PITPNM2: variants seen among roughly 807,000 people sequenced by gnomAD.
The protein encoded by PITPNM2 is membrane-associated phosphatidylinositol transfer protein 2.
Under a neutral mutation model 132.2 loss-of-function variants are expected in PITPNM2, and 35 were observed. The observed-to-expected ratio is 0.26, with a 90% confidence interval of 0.20 to 0.35. The LOEUF (loss-of-function observed/expected upper bound fraction) is 0.35. Among genes scored for constraint, PITPNM2 ranks in the 10% least tolerant of loss-of-function variants. The probability of loss-of-function intolerance (pLI) is 1.00; values close to 1 mark genes in which losing one functional copy is unlikely to be tolerated. For missense variants in PITPNM2, 1,332 were observed against 1,912.0 expected (o/e 0.70, Z 5.66); for synonymous variants, 738 against 799.2 (o/e 0.92, Z 1.29).
intron 3 of PITPNM2, among the ~76,000 whole-genome samples, chr12:123,029,641 A>ATG (rs10532248): frequency 6.5e-4 from 99 of 151,278 alleles, no homozygotes; most frequent in African/African-American, 2.2e-3. Context: ...CTTGTGGTGT[A>ATG]TGTGTGTGTG....
chr12:123,143,478 G>A (rs1034175386), intron 1 of PITPNM2, among the ~76,000 whole-genome samples: 1 of 152,192 alleles, frequency 6.6e-6, no homozygotes, highest in Admixed American at 6.5e-5. Context: ...TATGACGTAC[G>A]TACGAACTCT....
chr12:123,100,442 A>G (rs1340662678), intron 2 of PITPNM2, among the ~76,000 whole-genome samples: 1 of 152,236 alleles, frequency 6.6e-6, no homozygotes, highest in Admixed American at 6.5e-5. Flanking sequence ...CCTGACCAAC[A>G]TGGTGAAACC....
chr12:123,125,161 T>G (rs2043112350), intron 1 of PITPNM2, among the ~76,000 whole-genome samples: 1 of 152,152 alleles, frequency 6.6e-6, no homozygotes, highest in African/African-American at 2.4e-5. Flanking sequence ...GGTCTTGCCA[T>G]GTTGCCCAGG....
At chr12:123,128,143 A>T (rs1486975227) in intron 1 of PITPNM2, among the ~76,000 whole-genome samples, 3 of 151,688 alleles carry the variant, frequency 2.0e-5, no homozygotes, top group African/African-American at 7.3e-5. Context: ...ACTATTAAGG[A>T]TAAAGTATCT....
chr12:123,033,288 C>T (rs1432028285), intron 3 of PITPNM2, among the ~76,000 whole-genome samples: 2 of 152,186 alleles, frequency 1.3e-5, no homozygotes, highest in Non-Finnish European at 2.9e-5. Context: ...GGGAAGCTGC[C>T]GGGCTAGGCC....
intron 23 of PITPNM2, 139 bp downstream of exon 23, chr12:122,987,142 G>C (rs1412796872): frequency 8.0e-7 from 1 of 1,256,606 alleles, no homozygotes; most frequent in Non-Finnish European, 1.1e-6. Flanking sequence ...GCTGGGCTCT[G>C]AACTGAGGTC....
In PITPNM2 at chr12:123,095,701, C is replaced by A. The variant is rs2042391556; in HGVS notation, c.-96+14684G>T. ...TCCCTGCAGCTCAGCCCCAGCCAGA[C>A]TCTCACAGACAGGAGCCCATGGGGC... On this transcript the variant is annotated intron_variant, in intron 2 of 25. Transcript: ENST00000320201. This position sits in a 1 kb window ranked among gnomAD's most constrained non-coding sequence, Gnocchi z 5.0. 6.6e-6 allele frequency among the ~76,000 whole-genome samples: 1 copy of A among 152,200 alleles called. No homozygotes were observed. Among genetic ancestry groups the A allele is most frequent in the Non-Finnish European group, 1.5e-5 (1 of 68,026 alleles).
In PITPNM2 at chr12:123,022,211, C is replaced by G. The variant is rs1456378271; in HGVS notation, c.79-8169G>C. ...CTCTCCGCTCAGCCTTTTTCTGGTC[C>G]TGGATCAGCCATTGATGTCAGCACT... On this transcript the variant is annotated intron_variant, in intron 3 of 25. Coordinates refer to ENST00000320201, the MANE Select transcript of PITPNM2 (RefSeq NM_020845.3). The surrounding 1 kb of genome is among the most constrained non-coding windows in gnomAD (Gnocchi z 4.9). Among the ~76,000 whole-genome samples the G allele has an allele frequency of 2.0e-5, 3 of 152,180 alleles. No homozygotes were observed. The highest frequency in any genetic ancestry group is 7.2e-5 in the African/African-American group (3 of 41,440).
Position 123,082,367 on chromosome 12 carries a change from C to A in PITPNM2, c.-96+28018G>T, listed in dbSNP as rs2041988891. 6.6e-6 allele frequency among the ~76,000 whole-genome samples: 1 copy of A among 152,194 alleles called. No homozygotes were observed. Among genetic ancestry groups the A allele is most frequent in the African/African-American group, 2.4e-5 (1 of 41,440 alleles). On this transcript the variant is annotated intron_variant, in intron 2 of 25. Coordinates refer to ENST00000320201, the MANE Select transcript of PITPNM2 (RefSeq NM_020845.3). The surrounding 1 kb of genome is among the most constrained non-coding windows in gnomAD (Gnocchi z 5.4). ...TCAGAGCGTTGATCGTTATCTAGTACCCGACTTACTTTTCTTTCTTCTTTC... is the reference window on the plus strand; with the variant it reads ...TCAGAGCGTTGATCGTTATCTAGTAACCGACTTACTTTTCTTTCTTCTTTC...
chr12:123,137,067 G>A (rs747948130), intron 1 of PITPNM2, among the ~76,000 whole-genome samples: 10 of 152,334 alleles, frequency 6.6e-5, no homozygotes, highest in Middle Eastern at 3.4e-3. Flanking sequence ...ATGAGGGCAA[G>A]TGTGACTTCG....
At chr12:123,086,898 G>A (rs1388636763) in intron 2 of PITPNM2, among the ~76,000 whole-genome samples, 1 of 152,206 alleles carries the variant, frequency 6.6e-6, no homozygotes, top group Non-Finnish European at 1.5e-5. Flanking sequence ...GTCCCTCAGG[G>A]AAGCCCACAG....
chr12:123,137,450 C>T (rs2043405993), intron 1 of PITPNM2, among the ~76,000 whole-genome samples: 1 of 152,158 alleles, frequency 6.6e-6, no homozygotes, highest in Admixed American at 6.5e-5. Flanking sequence ...TGAATACCTG[C>T]TCTGTGCCTG....
chr12:123,027,673 C>A (rs1008386506), intron 3 of PITPNM2, among the ~76,000 whole-genome samples: 2 of 152,226 alleles, frequency 1.3e-5, no homozygotes, highest in Admixed American at 6.5e-5. Flanking sequence ...GGGCTGCAGT[C>A]AGTGGCAGAG....
At position 123,064,791 on chromosome 12, in the gene PITPNM2, T is replaced by C. The variant is rs976200303; in HGVS notation, c.-95-30106A>G. On this transcript the variant is annotated intron_variant, in intron 2 of 25. Coordinates refer to ENST00000320201, the MANE Select transcript of PITPNM2 (RefSeq NM_020845.3). This position sits in a 1 kb window ranked among gnomAD's most constrained non-coding sequence, Gnocchi z 4.0. Reference sequence around the variant, plus strand: ...GAAACAAACAACACAATGAATCAGATGCAGCAGGACACAGGGAGTGACTAG... The same window carrying C: ...GAAACAAACAACACAATGAATCAGACGCAGCAGGACACAGGGAGTGACTAG... 3.3e-5 allele frequency among the ~76,000 whole-genome samples: 5 copies of C among 152,316 alleles called. No homozygotes were observed. The highest frequency in any genetic ancestry group is 2.1e-4 in the South Asian group (1 of 4,826).
At chr12:122,996,656 C>A (rs1192355820) in intron 12 of PITPNM2, 65 bp downstream of exon 12, 1 of 1,611,476 alleles carries the variant, frequency 6.2e-7, no homozygotes, top group Non-Finnish European at 8.5e-7. Context: ...CACCTTCCCC[C>A]TGAGGCCAGC....
chr12:123,014,091 C>A (rs1368296897), intron 3 of PITPNM2, 49 bp from the exon 4 acceptor site: 2 of 1,600,642 alleles, frequency 1.2e-6, no homozygotes, highest in Admixed American at 3.3e-5. Context: ...GAGCACTCTT[C>A]AGGAGGGAAG....
intron 2 of PITPNM2, among the ~76,000 whole-genome samples, chr12:123,086,503 C>G (rs1401069705): frequency 6.6e-6 from 1 of 152,156 alleles, no homozygotes; most frequent in Non-Finnish European, 1.5e-5. Flanking sequence ...TAATGCTGGC[C>G]AGGAGGTGTG....
intron 2 of PITPNM2, among the ~76,000 whole-genome samples, chr12:123,050,629 G>T (rs1405627797): frequency 1.3e-5 from 2 of 152,180 alleles, no homozygotes; most frequent in Non-Finnish European, 2.9e-5. Flanking sequence ...GTCCTTAGGG[G>T]ATGTGAGGAC....
rs556195691 is a variant in PITPNM2, at chr12:123,025,721, C to T, written c.78+8792G>A. 2.4e-4 allele frequency among the ~76,000 whole-genome samples: 36 copies of T among 152,200 alleles called. 1 individual carries two copies. In the South Asian group the frequency reaches 5.2e-3, roughly 22 times the overall value. ...TGCTGGGATTACAGGTGTGAGCCAC[C>T]GCACTCGGCCTATGTGGACCAGATT... On this transcript the variant is annotated intron_variant, in intron 3 of 25. Transcript: ENST00000320201.
Sources: gnomAD v4.1 joint callset for allele counts (sites outside exome capture counted in the v4.1 genomes callset) on GRCh38, gnomAD v4.1.1 for gene constraint, Gnocchi (gnomAD v3.1) non-coding constraint, MANE v1.5 for transcripts, NCBI Gene and HGNC (gene_info 2026-07-23, HGNC 2026-07-21) for gene names.